SERPINA3: variants seen among roughly 807,000 people sequenced by gnomAD.
SERPINA3 encodes alpha-1-antichymotrypsin.
SERPINA3 carries 32 observed loss-of-function variants against 26.8 expected under a neutral mutation model. The ratio of observed to expected loss-of-function variants is 1.20; its 90% CI spans 0.90 to 1.61. SERPINA3 has a LOEUF of 1.61. Ranked by LOEUF, SERPINA3 falls within the 40% of genes most tolerant of loss-of-function variation. SERPINA3 has a pLI of 0.00. For missense variants in SERPINA3, 632 were observed against 517.9 expected, an observed-to-expected ratio of 1.22 and a Z score of -2.14; for synonymous variants, 252 against 206.4, an observed-to-expected ratio of 1.22 and a Z score of -1.89.
At position 94,623,787 on chromosome 14, in the gene SERPINA3, C is replaced by T. The variant is rs774521930; in HGVS notation, c.1245C>T (p.Ser415=). 6.2e-7 allele frequency: 1 copy of T among 1,613,988 alleles called. No homozygotes were observed. The highest frequency in any genetic ancestry group is 1.3e-5 in the African/African-American group (1 of 74,902). ...ACACCCAGAACATCTTCTTCATGAG[C>T]AAAGTCACCAATCCCAAGCAAGCCT... The part of the protein sequence containing the change: ...PTDTQNIFFM[S]KVTNPKQA Residue 415 remains serine (S), a synonymous_variant, in exon 5 of 5, where the codon AGC becomes AGT. Transcript: ENST00000393078.
At chr14:94,614,327 C>A in intron 1 of SERPINA3, 107 bp from the exon 2 acceptor site, 1 of 1,136,578 alleles carries the variant, frequency 8.8e-7, no homozygotes, top group Non-Finnish European at 1.3e-6. Context: ...CCAAAGCTAG[C>A]AAGAGGCAGC....
intron 3 of SERPINA3, 83 bp from the exon 4 acceptor site, chr14:94,622,258 C>A: frequency 7.5e-7 from 1 of 1,330,256 alleles, no homozygotes; most frequent in Non-Finnish European, 1.1e-6. Flanking sequence ...TAGAGGAAAC[C>A]AGGGAAGACC....
chr14:94,615,322 A>T (rs1325253098), intron 2 of SERPINA3, among the ~76,000 whole-genome samples: 1 of 152,240 alleles, frequency 6.6e-6, no homozygotes, highest in African/African-American at 2.4e-5. Context: ...CTCTGGTCTG[A>T]GTCAGTGTGG....
Position 94,614,968 on chromosome 14 carries a change from C to T in SERPINA3, c.527C>T (p.Ala176Val), listed in dbSNP as rs775820307. 3.1e-6 allele frequency: 5 copies of T among 1,613,604 alleles called. No individual in the cohort carries two copies. The South Asian group carries it at 5.5e-5, about 18-fold the overall frequency. The change falls in exon 2 of 5, where the codon GCT (alanine) becomes GTT (valine). Residue 176 changes from alanine to valine, a missense_variant. Ala to Val is a moderately conservative substitution (Grantham distance 64). Transcript: ENST00000393078. Reference sequence around the variant, plus strand: ...ACTGACTTTCAGGACTCAGCTGCAGCTAAGAAGCTCATCAACGACTACGTG... The same window carrying T: ...ACTGACTTTCAGGACTCAGCTGCAGTTAAGAAGCTCATCAACGACTACGTG... ...FATDFQDSAA[A>V]KKLINDYVKN...
At chr14:94,619,767 TGAA>T in intron 3 of SERPINA3, 1 of 466,480 alleles carries the variant, frequency 2.1e-6, no homozygotes, top group Non-Finnish European at 3.9e-6. Flanking sequence ...CTCAATCTCT[TGAA>T]GGGAGAGAGA....
intron 1 of SERPINA3, chr14:94,614,082 G>A: frequency 3.3e-6 from 1 of 304,460 alleles, no homozygotes; most frequent in Non-Finnish European, 6.3e-6. Context: ...ATTCTGATTG[G>A]ACTGAACCTC....
chr14:94,623,584 G>T (rs201098274), intron 4 of SERPINA3, 27 bp from the exon 5 acceptor site: 2 of 1,608,590 alleles, frequency 1.2e-6, no homozygotes, highest in African/African-American at 1.3e-5. Flanking sequence ...TGTGTTTCCC[G>T]TGTGTAATGT....
intron 2 of SERPINA3, chr14:94,617,498 C>T (rs959475176): frequency 6.6e-6 from 1 of 152,168 alleles, no homozygotes; most frequent in Non-Finnish European, 1.5e-5. Flanking sequence ...AAGAAGCTCC[C>T]ATTTATTGAG....
At chr14:94,622,611 C>A in intron 4 of SERPINA3, 120 bp downstream of exon 4, 1 of 1,120,442 alleles carries the variant, frequency 8.9e-7, no homozygotes, top group Non-Finnish European at 1.3e-6. Flanking sequence ...TCATTATATA[C>A]TCACCCTGCT....
chr14:94,622,610 A>G, intron 4 of SERPINA3, 119 bp downstream of exon 4: 2 of 1,127,108 alleles, frequency 1.8e-6, no homozygotes, highest in Non-Finnish European at 2.6e-6. Flanking sequence ...CTCATTATAT[A>G]CTCACCCTGC....
chr14:94,619,444 G>A lies in SERPINA3; in HGVS notation c.893G>A (p.Arg298Gln), dbSNP rs139747783. 2.8e-4 allele frequency: 457 copies of A among 1,614,096 alleles called. No homozygotes were observed. The highest frequency in any genetic ancestry group is 2.6e-3 in the African/African-American group (197 of 75,032). The change falls in exon 3 of 5, where the codon CGG becomes CAG. Residue 298 changes from arginine to glutamine, a missense_variant. Coordinates refer to ENST00000393078, the MANE Select transcript of SERPINA3 (RefSeq NM_001085.5). The stretch of plus-strand genomic sequence containing the variant: ...ATGCTGCTCCCAGAGACCCTGAAGC[G>A]GTGGAGAGACTCTCTGGAGTTCAGG... Reference protein sequence around the residue: ...EAMLLPETLKRWRDSLEFREI... With the variant: ...EAMLLPETLKQWRDSLEFREI...
chr14:94,624,048 G>A lies in SERPINA3; in HGVS notation c.*234G>A, dbSNP rs185852039. On this transcript the variant is annotated 3_prime_UTR_variant, in exon 5 of 5. Coordinates refer to ENST00000393078, the MANE Select transcript of SERPINA3 (RefSeq NM_001085.5). ...CCTCCTGACAGCAATAAATAATTTC[G>A]TTGGACACGTTGCTTGTGCCTTTCC... is the stretch of plus-strand genomic sequence containing the variant. 29 of 578,546 alleles carry A rather than the reference G, an allele frequency of 5.0e-5. No individual in the cohort carries two copies. Among genetic ancestry groups the A allele is most frequent in the Admixed American group, 1.8e-4 (6 of 33,688 alleles). The allele number at this position is 578,546 out of a possible 1,614,324, so 35.8% of individuals were successfully genotyped here.
intron 3 of SERPINA3, among the ~76,000 whole-genome samples, chr14:94,621,754 TGCC>T (rs1453366817): frequency 6.6e-6 from 1 of 151,406 alleles, no homozygotes; most frequent in Non-Finnish European, 1.5e-5. Context: ...CTTTTTGACC[TGCC>T]TCTGGCTCCT....
At chr14:94,614,192 C>T (rs1309649396) in intron 1 of SERPINA3, 12 of 546,078 alleles carry the variant, frequency 2.2e-5, no homozygotes, top group Non-Finnish European at 4.0e-5. Context: ...AGCCCCCTCA[C>T]CGCTCTGTGC....
chr14:94,620,734 A>T (rs1886169742), intron 3 of SERPINA3, among the ~76,000 whole-genome samples: 1 of 152,196 alleles, frequency 6.6e-6, no homozygotes, highest in South Asian at 2.1e-4. Flanking sequence ...ATCTGAGGGT[A>T]GAGGAACTTG....
chr14:94,615,011 G>A lies in SERPINA3; in HGVS notation c.570G>A (p.Gly190=), dbSNP rs757020810. The A allele has an allele frequency of 2.4e-4, 385 of 1,614,050 alleles. No homozygotes were observed. Among genetic ancestry groups the A allele is most frequent in the Non-Finnish European group, 3.1e-4 (361 of 1,180,046 alleles). Residue 190 remains glycine, a synonymous_variant, in exon 2 of 5, where the codon GGG becomes GGA. Transcript: ENST00000393078. ...ACTACGTGAAGAATGGAACTAGGGG[G>A]AAAATCACAGATCTGATCAAGGACC... ...INDYVKNGTR[G]KITDLIKDLD...
At chr14:94,615,582 T>A (rs1248519271) in intron 2 of SERPINA3, 3 of 367,776 alleles carry the variant, frequency 8.2e-6, no homozygotes, top group Non-Finnish European at 1.6e-5. Context: ...CAGGGCAAGA[T>A]AATCCCCAAG....
rs1392966112 is a variant in SERPINA3, at chr14:94,622,865, T to C, written c.1068+374T>C. ...ATCCAGTGCCTGGCTGGACAGGGAA[T>C]GCCAATAGGTAATAACAATGATTAT... On this transcript the variant is annotated intron_variant, in intron 4 of 4. Coordinates refer to ENST00000393078, the MANE Select transcript of SERPINA3 (RefSeq NM_001085.5). The C allele has an allele frequency of 3.8e-5, 13 of 340,858 alleles. No homozygotes were observed. In the East Asian group the frequency reaches 7.7e-4, roughly 20 times the overall value. 21.1% of individuals were successfully genotyped at this position (340,858 alleles called of 1,614,324 possible). A position where few individuals can be genotyped will look rare whatever the true frequency, so the allele number is the denominator to read the frequency against.
chr14:94,615,185 T>C (rs1885947886), intron 2 of SERPINA3, 101 bp downstream of exon 2: 1 of 1,313,354 alleles, frequency 7.6e-7, no homozygotes, highest in African/African-American at 1.4e-5. Flanking sequence ...TAGAGGAGAG[T>C]GCCCACAGCA....
Sources: gnomAD v4.1 joint callset for allele counts (sites outside exome capture counted in the v4.1 genomes callset) on GRCh38, gnomAD v4.1.1 for gene constraint, MANE v1.5 for transcripts, NCBI Gene and HGNC (gene_info 2026-07-23, HGNC 2026-07-21) for gene names.